D2HGDH: variants seen among roughly 807,000 people sequenced by gnomAD.
The protein encoded by D2HGDH is D-2-hydroxyglutarate dehydrogenase.
A neutral mutation model predicts 46.9 loss-of-function variants in D2HGDH; 31 were observed. The ratio of observed to expected loss-of-function variants is 0.66; its 90% confidence interval spans 0.50 to 0.89. The LOEUF is 0.89. Ranked by LOEUF, D2HGDH falls within the 40% of genes least tolerant of loss-of-function variation. The pLI, the probability that D2HGDH is intolerant of heterozygous loss-of-function variation, is 0.00. For missense variants in D2HGDH, 698 were observed against 720.8 expected (o/e 0.97, Z 0.36); for synonymous variants, 364 against 332.6 (o/e 1.09, Z -1.03).
rs1004076592 is a variant in D2HGDH at position 241,768,655 on chromosome 2, G to A, written c.*686G>A. 1.3e-5 allele frequency: 2 copies of A among 152,366 alleles called. No individual in the cohort carries two copies. Among genetic ancestry groups the A allele is most frequent in the African/African-American group, 4.8e-5 (2 of 41,442 alleles). The allele number at this position is 152,366 out of a possible 1,614,324, so 9.4% of individuals were successfully genotyped here. A position where few individuals can be genotyped will look rare whatever the true frequency, so the allele number is the denominator to read the frequency against. The stretch of plus-strand genomic sequence containing the variant: ...CGGGTTCTGCTCCTACAAAGAACGT[G>A]CGGTGCTGCGGGCGAGGGCCCCGGC... On this transcript the variant is annotated 3_prime_UTR_variant, in exon 10 of 10. Transcript: ENST00000321264.
At chr2:241,740,358 G>A (rs867664545) in intron 2 of D2HGDH, among the ~76,000 whole-genome samples, 11 of 152,122 alleles carry the variant, frequency 7.2e-5, no homozygotes, top group South Asian at 4.1e-4. Flanking sequence ...AGGGAAGCCT[G>A]CAGACATCCC....
intron 8 of D2HGDH, among the ~76,000 whole-genome samples, chr2:241,753,255 G>A (rs913503922): frequency 6.6e-6 from 1 of 152,238 alleles, no homozygotes; most frequent in Non-Finnish European, 1.5e-5. Context: ...GAGTTGACCC[G>A]GATATGCGGT....
At position 241,768,036 on chromosome 2, in the gene D2HGDH, G is replaced by C; in HGVS notation, c.*67G>C. The C allele has an allele frequency of 1.3e-6, 2 of 1,513,012 alleles. No individual in the cohort carries two copies. The highest frequency in any genetic ancestry group is 4.0e-5 in the Admixed American group (2 of 49,990). 93.7% of individuals were successfully genotyped at this position (1,513,012 alleles called of 1,614,324 possible). Reference sequence around the variant, plus strand: ...GGTGGCTCTCGGGCGGGGGTGTTGCGGTGGCTCTGAGGGATGAGCCGGCAG... The same window carrying C: ...GGTGGCTCTCGGGCGGGGGTGTTGCCGTGGCTCTGAGGGATGAGCCGGCAG... On this transcript the variant is annotated 3_prime_UTR_variant, in exon 10 of 10. Coordinates refer to ENST00000321264, the MANE Select transcript of D2HGDH (RefSeq NM_152783.5).
chr2:241,735,271 G>T lies in D2HGDH; in HGVS notation c.47G>T (p.Gly16Val), dbSNP rs1259488745. The T allele has an allele frequency of 6.6e-7, 1 of 1,521,190 alleles. No homozygotes were observed. The highest frequency in any genetic ancestry group is 8.8e-7 in the Non-Finnish European group (1 of 1,142,050). The allele number at this position is 1,521,190 out of a possible 1,614,324, so 94.2% of individuals were successfully genotyped here. Residue 16 changes from glycine to valine, a missense_variant, in exon 2 of 10, where the codon GGT (glycine) becomes GTT (valine). Coordinates refer to ENST00000321264, the MANE Select transcript of D2HGDH (RefSeq NM_152783.5). Reference protein sequence around the residue: ...PLAWPAWLLRGAPGAAGSWGR... With the variant: ...PLAWPAWLLRVAPGAAGSWGR... ...GCGTGGCCCGCGTGGCTGTTGCGGG[G>T]TGCTCCGGGAGCCGCGGGTTCTTGG...
rs141297917 is a variant in D2HGDH, at chr2:241,744,525, G to A, written c.685-184G>A. ...GAGCCTCCCCACTGCCCCCGACCCC[G>A]GGCGTGCCCCCTGGGCAGTGAGCTG... On this transcript the variant is annotated intron_variant, in intron 5 of 9. Transcript: ENST00000321264. Among the ~76,000 whole-genome samples, 199 of 152,320 alleles carry A rather than the reference G, an allele frequency of 1.3e-3. No individual in the cohort carries two copies. Among genetic ancestry groups the A allele is most frequent in the Non-Finnish European group, 2.5e-3 (170 of 68,020 alleles).
At chr2:241,755,101 G>A in intron 8 of D2HGDH, 1 of 1,304,040 alleles carries the variant, frequency 7.7e-7, no homozygotes, top group Non-Finnish European at 1.0e-6. Flanking sequence ...AGGCCGATCT[G>A]TCTGAGCCCT....
intron 6 of D2HGDH, 115 bp from the exon 7 acceptor site, chr2:241,750,036 G>C: frequency 6.6e-7 from 1 of 1,519,474 alleles, no homozygotes; most frequent in Admixed American, 1.8e-5. Flanking sequence ...TGCTCCTCGT[G>C]GCTGCCCAGC....
intron 6 of D2HGDH, chr2:241,748,932 T>G: frequency 7.7e-7 from 1 of 1,294,472 alleles, no homozygotes; most frequent in Admixed American, 2.3e-5. Context: ...ATCCTGCTCT[T>G]CGCACTCCAG....
chr2:241,742,317 G>A lies in D2HGDH; in HGVS notation c.351-118G>A. The A allele has an allele frequency of 2.2e-6, 3 of 1,363,356 alleles. No individual in the cohort carries two copies. The highest frequency in any genetic ancestry group is 3.0e-6 in the Non-Finnish European group (3 of 1,004,848). The allele number at this position is 1,363,356 out of a possible 1,614,324, so 84.5% of individuals were successfully genotyped here. ...CTGGGGAGGAGCCCCCGCTGAGGCT[G>A]CAGGCAGGGCAGGGTAATCAGGATT... On this transcript the variant is annotated intron_variant, in intron 3 of 9. Transcript: ENST00000321264. The surrounding 1 kb of genome is among the most constrained non-coding windows in gnomAD (Gnocchi z 4.8).
At chr2:241,759,655 A>G (rs776857914) in intron 9 of D2HGDH, among the ~76,000 whole-genome samples, 2 of 151,754 alleles carry the variant, frequency 1.3e-5, no homozygotes, top group Non-Finnish European at 2.9e-5. Flanking sequence ...CACTGTTTGG[A>G]TTTGTCTACT....
rs199778803 is a variant in D2HGDH at position 241,746,976 on chromosome 2, GT to G, written c.853+2107del. ...TTTCAAGTCTGTGTAGTCTGTGAAA[GT>G]TTTTTTTAGAGACAAGGTCTCACTC... is the stretch of plus-strand genomic sequence containing the variant. On this transcript the variant is annotated intron_variant, in intron 6 of 9. Transcript: ENST00000321264. Among the ~76,000 whole-genome samples the G allele has an allele frequency of 7.3e-3, 1,110 of 151,688 alleles. 15 individuals are homozygous for G. Among genetic ancestry groups the G allele is most frequent in the African/African-American group, 0.026 (1,079 of 41,338 alleles).
In D2HGDH at chr2:241,749,200, A is replaced by C. The variant is rs1036328369; in HGVS notation, c.854-951A>C. 6.7e-6 allele frequency: 6 copies of C among 894,618 alleles called. No homozygotes were observed. In the South Asian group the frequency reaches 1.1e-4, roughly 16 times the overall value. The allele number at this position is 894,618 out of a possible 1,614,324, so 55.4% of individuals were successfully genotyped here. A position where few individuals can be genotyped will look rare whatever the true frequency, so the allele number is the denominator to read the frequency against. On this transcript the variant is annotated intron_variant, in intron 6 of 9. Coordinates refer to ENST00000321264, the MANE Select transcript of D2HGDH (RefSeq NM_152783.5). Reference sequence around the variant, plus strand: ...CACCGCCAGACCCTCCAACACCACCACCACCTCCCACACCCCAGCCCTCTA... The same window carrying C: ...CACCGCCAGACCCTCCAACACCACCCCCACCTCCCACACCCCAGCCCTCTA...
chr2:241,741,177 C>A, intron 3 of D2HGDH, 87 bp downstream of exon 3: 1 of 1,247,748 alleles, frequency 8.0e-7, no homozygotes, highest in Non-Finnish European at 1.2e-6. Flanking sequence ...TGGGGTGACG[C>A]GGTGCGAAGC....
At chr2:241,745,000 T>G in intron 6 of D2HGDH, 123 bp downstream of exon 6, 7 of 1,315,550 alleles carry the variant, frequency 5.3e-6, no homozygotes, top group Non-Finnish European at 7.5e-6. Flanking sequence ...TCGGTTCCCG[T>G]GTCTCCTGAC....
At chr2:241,739,299 C>T (rs111306848) in intron 2 of D2HGDH, among the ~76,000 whole-genome samples, 20 of 152,332 alleles carry the variant, frequency 1.3e-4, no homozygotes, top group African/African-American at 4.1e-4. Context: ...CTGCCACAGG[C>T]GCGTCACAAG....
chr2:241,748,512 T>C (rs981877497), intron 6 of D2HGDH, among the ~76,000 whole-genome samples: 2 of 152,196 alleles, frequency 1.3e-5, no homozygotes, highest in South Asian at 4.1e-4. Context: ...TGCTGCTGGG[T>C]GGAGGCCCCT....
chr2:241,763,107 C>T (rs895270957), intron 9 of D2HGDH, among the ~76,000 whole-genome samples: 1 of 152,190 alleles, frequency 6.6e-6, no homozygotes, highest in East Asian at 1.9e-4. Flanking sequence ...CTTTGGGACC[C>T]GAGGCAGCGT....
chr2:241,736,841 A>C (rs1172255378), intron 2 of D2HGDH, among the ~76,000 whole-genome samples: 2 of 150,110 alleles, frequency 1.3e-5, no homozygotes, highest in African/African-American at 4.9e-5. Context: ...TTGTATTTTT[A>C]GTAGAGACGG....
At position 241,743,555 on chromosome 2, in the gene D2HGDH, T is replaced by C; in HGVS notation, c.491-67T>C. On this transcript the variant is annotated intron_variant, in intron 4 of 9. Transcript: ENST00000321264. This position sits in a 1 kb window ranked among gnomAD's most constrained non-coding sequence, Gnocchi z 4.8. ...GTGGCTTGCCTGTGCAAGATGGGGG[T>C]TGGGACTCACCAGCCCGGGGGCCCA... The C allele has an allele frequency of 6.4e-7, 1 of 1,552,600 alleles. No homozygotes were observed. The highest frequency in any genetic ancestry group is 8.7e-7 in the Non-Finnish European group (1 of 1,146,402).
Sources: allele counts gnomAD v4.1 joint callset (sites outside exome capture counted in the v4.1 genomes callset), GRCh38; gene constraint gnomAD v4.1.1; non-coding constraint Gnocchi (gnomAD v3.1); transcripts MANE v1.5; gene names NCBI Gene and HGNC (gene_info 2026-07-23, HGNC 2026-07-21).